Variants in CA12 observed in about 807,000 individuals in gnomAD.
The protein encoded by CA12 is carbonate dehydratase XII.
CA12 carries 36 observed loss-of-function variants against 46.8 expected under a neutral mutation model. That is an observed-to-expected ratio of 0.77 (90% CI 0.59 to 1.02). CA12 has a LOEUF of 1.02. Ranked by LOEUF, CA12 falls within the 50% of genes least tolerant of loss-of-function variation. The pLI, the probability that CA12 is intolerant of heterozygous loss-of-function variation, is 0.00. For missense variants in CA12, 436 were observed against 451.4 expected (o/e 0.97, Z 0.31); for synonymous variants, 202 against 187.0 (o/e 1.08, Z -0.65).
intron 2 of CA12, among the ~76,000 whole-genome samples, chr15:63,347,272 T>C (rs990630908): frequency 6.6e-6 from 1 of 152,232 alleles, no homozygotes; most frequent in East Asian, 1.9e-4. Context: ...ACAACTGCTT[T>C]TGCACCAACC....
rs1431699644 is a variant in CA12 at position 63,345,152 on chromosome 15, G to A, written c.429+325C>T. Among the ~76,000 whole-genome samples, 2 of 152,206 alleles carry A rather than the reference G, an allele frequency of 1.3e-5. No homozygotes were observed. Among genetic ancestry groups the A allele is most frequent in the African/African-American group, 4.8e-5 (2 of 41,442 alleles). ...GTGAGTCAGCAGGAGATTTTTATCT[G>A]CACAGATAGGAAGGCAATGTCTAAA... is the stretch of plus-strand genomic sequence containing the variant. On this transcript the variant is annotated intron_variant, in intron 4 of 10. Transcript: ENST00000178638. This position sits in a 1 kb window ranked among gnomAD's most constrained non-coding sequence, Gnocchi z 4.3.
rs2152615803 is a variant in CA12 at position 63,340,765 on chromosome 15, A to G, written c.544T>C (p.Ser182Pro). Residue 182 changes from serine to proline, a missense_variant, in exon 6 of 11, where the codon TCC becomes CCC. Physicochemically the swap from Ser to Pro is moderately conservative, Grantham distance 74 (BLOSUM62 -1). Coordinates refer to ENST00000178638, the MANE Select transcript of CA12 (RefSeq NM_001218.5). This position sits in a 1 kb window ranked among gnomAD's most constrained non-coding sequence, Gnocchi z 4.4. Reference protein sequence around the residue: ...VLIEMGSFNPSYDKIFSHLQH... With the variant: ...VLIEMGSFNPPYDKIFSHLQH... ...AGGTGACTGAAGATCTTGTCATAGG[A>G]CGGATTGAAGGAGCCCATCTGCAAC... 1 of 1,614,168 alleles carries G rather than the reference A, an allele frequency of 6.2e-7. No homozygotes were observed. The highest frequency in any genetic ancestry group is 8.5e-7 in the Non-Finnish European group (1 of 1,180,004).
chr15:63,366,193 G>A (rs1385919631), intron 2 of CA12, among the ~76,000 whole-genome samples: 1 of 147,130 alleles, frequency 6.8e-6, no homozygotes, highest in Non-Finnish European at 1.5e-5. Context: ...TGTCTAGAAC[G>A]AGGTCCTGGC....
chr15:63,346,762 C>T (rs745480872), intron 2 of CA12, 53 bp from the exon 3 acceptor site: 9 of 1,568,934 alleles, frequency 5.7e-6, no homozygotes, highest in African/African-American at 1.3e-5. Context: ...AAGGGATTTT[C>T]CTTATCTTCT....
chr15:63,344,254 C>A (rs2039117508), intron 4 of CA12, among the ~76,000 whole-genome samples: 1 of 152,214 alleles, frequency 6.6e-6, no homozygotes, highest in Admixed American at 6.5e-5. Flanking sequence ...CTTACCTCCC[C>A]ACACCTTTTA....
intron 8 of CA12, among the ~76,000 whole-genome samples, chr15:63,338,348 T>C (rs2039030169): frequency 6.6e-6 from 1 of 152,220 alleles, no homozygotes; most frequent in African/African-American, 2.4e-5. Flanking sequence ...GTTTTACATC[T>C]AACATAGGAA....
chr15:63,357,211 A>C (rs909040449), intron 2 of CA12, among the ~76,000 whole-genome samples: 2 of 152,214 alleles, frequency 1.3e-5, no homozygotes, highest in African/African-American at 4.8e-5. Context: ...CCAGAACTTG[A>C]GTGCACAATC....
intron 2 of CA12, among the ~76,000 whole-genome samples, chr15:63,347,405 T>C (rs889839504): frequency 1.3e-5 from 2 of 152,124 alleles, no homozygotes; most frequent in Non-Finnish European, 2.9e-5. Context: ...ATAGGGATGA[T>C]TGACAAATGT....
At chr15:63,371,192 G>A (rs755979190) in intron 2 of CA12, among the ~76,000 whole-genome samples, 3 of 152,204 alleles carry the variant, frequency 2.0e-5, no homozygotes, top group East Asian at 1.9e-4. Context: ...AAATATTTCC[G>A]CAGATACAGG....
Position 63,348,528 on chromosome 15 carries a change from C to T in CA12, c.107-1819G>A, listed in dbSNP as rs530843599. Among the ~76,000 whole-genome samples the T allele has an allele frequency of 2.0e-5, 3 of 152,354 alleles. No homozygotes were observed. The East Asian group carries it at 5.8e-4, about 29-fold the overall frequency. ...ACAGGGTAAGACTCCCTAAGTGAGG[C>T]TGCCAGCCTTTTCTGTGCTCACAAT... On this transcript the variant is annotated intron_variant, in intron 2 of 10. Coordinates refer to ENST00000178638, the MANE Select transcript of CA12 (RefSeq NM_001218.5). This position sits in a 1 kb window ranked among gnomAD's most constrained non-coding sequence, Gnocchi z 4.6.
In CA12 at chr15:63,325,970, C is replaced by A. The variant is rs2038860417; in HGVS notation, c.*315G>T. 1.6e-5 allele frequency: 6 copies of A among 379,020 alleles called. No homozygotes were observed. The East Asian group carries it at 3.1e-4, about 20-fold the overall frequency. 23.5% of individuals were successfully genotyped at this position (379,020 alleles called of 1,614,324 possible). A position where few individuals can be genotyped will look rare whatever the true frequency, so the allele number is the denominator to read the frequency against. ...GCCCCGGATGAAAGTGTTTTCCAAC[C>A]ATTAATGGCCCACCAGCATGGCTTG... On this transcript the variant is annotated 3_prime_UTR_variant, in exon 11 of 11. Transcript: ENST00000178638. This position sits in a 1 kb window ranked among gnomAD's most constrained non-coding sequence, Gnocchi z 4.9.
At chr15:63,343,052 G>A (rs1303663407) in intron 4 of CA12, among the ~76,000 whole-genome samples, 1 of 151,964 alleles carries the variant, frequency 6.6e-6, no homozygotes, top group Non-Finnish European at 1.5e-5. Flanking sequence ...CCCCTCAAAG[G>A]ACTTAGTCTG....
chr15:63,321,435 T>C lies in CA12; in HGVS notation c.*4850A>G, dbSNP rs2152606845. The C allele has an allele frequency of 6.6e-6, 1 of 152,368 alleles. No individual in the cohort carries two copies. The highest frequency in any genetic ancestry group is 2.4e-5 in the African/African-American group (1 of 41,582). 9.4% of individuals were successfully genotyped at this position (152,368 alleles called of 1,614,324 possible). On this transcript the variant is annotated 3_prime_UTR_variant, in exon 11 of 11. Transcript: ENST00000178638. The surrounding 1 kb of genome is among the most constrained non-coding windows in gnomAD (Gnocchi z 4.5). Reference sequence around the variant, plus strand: ...CAATACAGCAAAGTAATCTGGCCCTTATCTCTGCCCAGTCATTCTATAATG... The same window carrying C: ...CAATACAGCAAAGTAATCTGGCCCTCATCTCTGCCCAGTCATTCTATAATG...
chr15:63,371,746 A>G (rs2152626676), intron 2 of CA12, among the ~76,000 whole-genome samples: 1 of 152,374 alleles, frequency 6.6e-6, no homozygotes, highest in East Asian at 1.9e-4. Context: ...ATGAAACACC[A>G]CGCCCATTCT....
In CA12 at chr15:63,372,966, G is replaced by A. The variant is rs1043336448; in HGVS notation, c.106+2692C>T. Among the ~76,000 whole-genome samples the A allele has an allele frequency of 5.3e-5, 8 of 152,234 alleles. No individual in the cohort carries two copies. Among genetic ancestry groups the A allele is most frequent in the African/African-American group, 1.9e-4 (8 of 41,448 alleles). On this transcript the variant is annotated intron_variant, in intron 2 of 10. Transcript: ENST00000178638. The surrounding 1 kb of genome is among the most constrained non-coding windows in gnomAD (Gnocchi z 4.5). ...TGCAGGGTAGGAGGGACAGAGGGCTGGCCAGAGCTAGTGGTCAGGGAGAAA... is the reference window on the plus strand; with the variant it reads ...TGCAGGGTAGGAGGGACAGAGGGCTAGCCAGAGCTAGTGGTCAGGGAGAAA...
At chr15:63,358,286 G>A (rs982113978) in intron 2 of CA12, among the ~76,000 whole-genome samples, 4 of 152,234 alleles carry the variant, frequency 2.6e-5, no homozygotes, top group African/African-American at 7.2e-5. Flanking sequence ...GAAAATGAGG[G>A]CCTGGGGTCA....
rs922408884 is a variant in CA12, at chr15:63,348,552, A to G, written c.107-1843T>C. On this transcript the variant is annotated intron_variant, in intron 2 of 10. Transcript: ENST00000178638. This position sits in a 1 kb window ranked among gnomAD's most constrained non-coding sequence, Gnocchi z 4.6. ...GCTGCCAGCCTTTTCTGTGCTCACA[A>G]TACTGCCTGGGCCCACAGCCAGCAG... 6.6e-6 allele frequency among the ~76,000 whole-genome samples: 1 copy of G among 152,232 alleles called. No individual in the cohort carries two copies. Among genetic ancestry groups the G allele is most frequent in the Non-Finnish European group, 1.5e-5 (1 of 68,040 alleles).
intron 3 of CA12, 84 bp downstream of exon 3, chr15:63,346,446 C>A: frequency 7.8e-7 from 1 of 1,274,814 alleles, no homozygotes; most frequent in East Asian, 2.4e-5. Context: ...CACGGAACAC[C>A]TCCCTGCCAG....
At chr15:63,344,002 A>T (rs1186114152) in intron 4 of CA12, among the ~76,000 whole-genome samples, 1 of 152,238 alleles carries the variant, frequency 6.6e-6, no homozygotes, top group Non-Finnish European at 1.5e-5. Context: ...GTTGAATTTC[A>T]CCGTGACAAT....
Sources: gnomAD v4.1 joint callset for allele counts (sites outside exome capture counted in the v4.1 genomes callset) on GRCh38, gnomAD v4.1.1 for gene constraint, Gnocchi (gnomAD v3.1) non-coding constraint, MANE v1.5 for transcripts, NCBI Gene and HGNC (gene_info 2026-07-23, HGNC 2026-07-21) for gene names.